The following PDE10A variants were observed in gnomAD, a reference collection of about 807,000 sequenced individuals.
PDE10A encodes the protein cAMP and cAMP-inhibited cGMP 3',5'-cyclic phosphodiesterase 10A.
PDE10A carries 39 observed loss-of-function variants against 97.7 expected under a neutral mutation model. The ratio of observed to expected loss-of-function variants is 0.40; its 90% CI spans 0.31 to 0.52. PDE10A has a LOEUF of 0.52. Among genes scored for constraint, PDE10A ranks in the 20% least tolerant of loss-of-function variants. PDE10A has a pLI of 0.56. For missense variants in PDE10A, 731 were observed against 1,047.8 expected (o/e 0.70, Z 4.17); for synonymous variants, 371 against 376.8 (o/e 0.98, Z 0.18).
chr6:165,653,759 A>G (rs906027410), intron 1 of PDE10A, among the ~76,000 whole-genome samples: 5 of 152,198 alleles, frequency 3.3e-5, no homozygotes, highest in African/African-American at 1.2e-4. Context: ...AAATATCTGC[A>G]TGTCATGGTA....
At chr6:165,891,986 T>C (rs1781814698) in intron 1 of PDE10A, among the ~76,000 whole-genome samples, 1 of 151,558 alleles carries the variant, frequency 6.6e-6, no homozygotes, top group Non-Finnish European at 1.5e-5. Flanking sequence ...TTTTGCAGCT[T>C]CCAGTATTCA....
At chr6:165,783,091 C>T (rs1245242962) in intron 1 of PDE10A, among the ~76,000 whole-genome samples, 3 of 138,298 alleles carry the variant, frequency 2.2e-5, no homozygotes, top group East Asian at 2.0e-4. Flanking sequence ...AAGGCAGTAA[C>T]ATTTTTTGGC....
chr6:165,846,733 T>C (rs1780429288), intron 1 of PDE10A, among the ~76,000 whole-genome samples: 1 of 152,168 alleles, frequency 6.6e-6, no homozygotes, highest in Admixed American at 6.5e-5. Context: ...GGAAACCAAA[T>C]AAAAGCAAAA....
At chr6:165,599,957 A>C (rs1295782746) in intron 1 of PDE10A, among the ~76,000 whole-genome samples, 1 of 152,162 alleles carries the variant, frequency 6.6e-6, no homozygotes, top group East Asian at 1.9e-4. Flanking sequence ...CCCAACTCTC[A>C]GGCCTAGGAT....
chr6:165,925,927 T>C (rs1782918359), intron 1 of PDE10A, among the ~76,000 whole-genome samples: 1 of 152,206 alleles, frequency 6.6e-6, no homozygotes, highest in African/African-American at 2.4e-5. Flanking sequence ...TGCCAATATG[T>C]TGATTACCAT....
intron 1 of PDE10A, among the ~76,000 whole-genome samples, chr6:165,783,500 A>G (rs879729573): frequency 1.3e-5 from 2 of 152,180 alleles, no homozygotes; most frequent in Non-Finnish European, 2.9e-5. Context: ...TGAGATTGGG[A>G]ACTTTTACCT....
intron 1 of PDE10A, among the ~76,000 whole-genome samples, chr6:165,727,727 T>C (rs1792334690): frequency 1.3e-5 from 2 of 152,352 alleles, no homozygotes; most frequent in Admixed American, 1.3e-4. Flanking sequence ...GTCCAATCAC[T>C]TGATTCATTG....
chr6:165,336,488 G>A (rs923203963), intron 20 of PDE10A, among the ~76,000 whole-genome samples: 4 of 152,106 alleles, frequency 2.6e-5, no homozygotes, highest in Admixed American at 1.3e-4. Context: ...GGTGGCTCAC[G>A]CCTGTAATCC....
chr6:165,621,228 G>GA (rs1482352760), intron 1 of PDE10A, among the ~76,000 whole-genome samples: 1 of 145,228 alleles, frequency 6.9e-6, no homozygotes, highest in African/African-American at 2.7e-5. Context: ...AAGATACATT[G>GA]AAAACATTTA....
intron 1 of PDE10A, among the ~76,000 whole-genome samples, chr6:165,978,650 T>C (rs1299094443): frequency 5.3e-5 from 8 of 152,180 alleles, no homozygotes; most frequent in Non-Finnish European, 1.2e-4. Flanking sequence ...TGGAGTTTTT[T>C]TAGATTAAAA....
chr6:165,920,682 T>G (rs1285293022), intron 1 of PDE10A, among the ~76,000 whole-genome samples: 1 of 152,202 alleles, frequency 6.6e-6, no homozygotes, highest in East Asian at 1.9e-4. Flanking sequence ...TTTCACTGCT[T>G]CTTTCTGTGC....
chr6:165,776,300 A>C lies in PDE10A; in HGVS notation c.-615+211229T>G, dbSNP rs145789251. On this transcript the variant is annotated intron_variant, in intron 1 of 19. Coordinates refer to the PDE10A transcript ENST00000366882. Reference sequence around the variant, plus strand: ...GGTTACAAGTGTAAGAAAATTTAAGAACATTAATACATAGTATTTCTGCTT... The same window carrying C: ...GGTTACAAGTGTAAGAAAATTTAAGCACATTAATACATAGTATTTCTGCTT... Among the ~76,000 whole-genome samples the C allele has an allele frequency of 2.3e-3, 350 of 152,370 alleles. 1 individual carries two copies. The highest frequency in any genetic ancestry group is 7.8e-3 in the African/African-American group (323 of 41,592).
intron 1 of PDE10A, among the ~76,000 whole-genome samples, chr6:165,697,469 G>T (rs1392584218): frequency 3.3e-5 from 5 of 152,162 alleles, no homozygotes; most frequent in Admixed American, 2.0e-4. Context: ...GGTGCTATCT[G>T]ACCTGTCTTA....
At chr6:165,465,488 T>C (rs980289352) in intron 3 of PDE10A, among the ~76,000 whole-genome samples, 2 of 152,120 alleles carry the variant, frequency 1.3e-5, no homozygotes, top group Non-Finnish European at 1.5e-5. Context: ...TTTCAAAGGA[T>C]TACAAGAGAG....
At chr6:165,717,000 C>T (rs1792041113) in intron 1 of PDE10A, among the ~76,000 whole-genome samples, 1 of 151,970 alleles carries the variant, frequency 6.6e-6, no homozygotes, top group African/African-American at 2.4e-5. Flanking sequence ...TTTCCCATTC[C>T]TCTCCCCTCA....
rs866168774 is a variant in PDE10A, at chr6:165,418,747, G to A, written c.1684C>T (p.Arg562Cys). ...IYAKNLVNAD[R>C]CALFQVDHKN... is the part of the protein sequence containing the mutation. ...TGGTCCACCTGGAAAAGCGCACAAC[G>A]ATCGGCATTCACCAGGTTTTTTGCA... The change falls in exon 11 of 22, where the codon CGT becomes TGT. Residue 562 changes from arginine (R) to cysteine (C), a missense_variant. Transcript: ENST00000539869. The surrounding 1 kb of genome is among the most constrained non-coding windows in gnomAD (Gnocchi z 4.8). 1.2e-6 allele frequency: 2 copies of A among 1,613,420 alleles called. No homozygotes were observed. Among genetic ancestry groups the A allele is most frequent in the Non-Finnish European group, 1.7e-6 (2 of 1,179,746 alleles).
At chr6:165,909,538 G>A (rs1361371683) in intron 1 of PDE10A, among the ~76,000 whole-genome samples, 1 of 152,212 alleles carries the variant, frequency 6.6e-6, no homozygotes, top group Non-Finnish European at 1.5e-5. Context: ...CACAGAGGTG[G>A]CTGGGAGTGA....
At position 165,593,578 on chromosome 6, in the gene PDE10A, C is replaced by A. The variant is rs1282680963; in HGVS notation, c.866-50010G>T. ...AAAAAGGAGCCATCAATGAAAATTG[C>A]ATATACTGACCATTCCATCAGCAAA... On this transcript the variant is annotated intron_variant, in intron 1 of 21. Coordinates refer to ENST00000539869, the MANE Select transcript of PDE10A (RefSeq NM_001385079.1). 2.0e-5 allele frequency among the ~76,000 whole-genome samples: 3 copies of A among 152,182 alleles called. No individual in the cohort carries two copies. The East Asian group carries it at 5.8e-4, about 29-fold the overall frequency.
intron 1 of PDE10A, among the ~76,000 whole-genome samples, chr6:165,836,203 C>T (rs1302441421): frequency 4.6e-5 from 7 of 152,172 alleles, no homozygotes; most frequent in East Asian, 1.9e-4. Flanking sequence ...GACTGTAGAT[C>T]GTCCAAGGCT....
Sources: allele counts gnomAD v4.1 joint callset (sites outside exome capture counted in the v4.1 genomes callset), GRCh38; gene constraint gnomAD v4.1.1; non-coding constraint Gnocchi (gnomAD v3.1); transcripts MANE v1.5; gene names NCBI Gene and HGNC (gene_info 2026-07-23, HGNC 2026-07-21).